Variants in CNTN4 observed in about 807,000 individuals in gnomAD.
CNTN4 encodes contactin-4.
In CNTN4, 77 loss-of-function variants were observed where a neutral mutation model predicts 122.5. That is an observed-to-expected ratio of 0.63 (90% CI 0.52 to 0.76). The LOEUF is 0.76. Ranked by LOEUF, CNTN4 falls within the 30% of genes least tolerant of loss-of-function variation. The pLI is 0.00. For synonymous variants in CNTN4, 512 were observed against 447.0 expected, an observed-to-expected ratio of 1.15 and a Z score of -1.83; for missense variants, 1,256 against 1,259.1, an observed-to-expected ratio of 1.00 and a Z score of 0.04.
intron 23 of CNTN4, among the ~76,000 whole-genome samples, chr3:3,045,373 A>T (rs542279064): frequency 6.6e-6 from 1 of 152,178 alleles, no homozygotes; most frequent in East Asian, 1.9e-4. Context: ...ACTGGGAGGT[A>T]CCCCCCAGTA....
chr3:2,732,731 T>C (rs2088788648), intron 4 of CNTN4, among the ~76,000 whole-genome samples: 1 of 152,138 alleles, frequency 6.6e-6, no homozygotes, highest in Non-Finnish European at 1.5e-5. Flanking sequence ...CTCTTTTTTC[T>C]CAAAAACATT....
At position 2,265,033 on chromosome 3, in the gene CNTN4, C is replaced by A. The variant is rs117444387; in HGVS notation, c.-144-74145C>A. On this transcript the variant is annotated intron_variant, in intron 2 of 24. Transcript: ENST00000418658. Reference sequence around the variant, plus strand: ...GCCACTCGTACTCTTTCCCCTGAGTCCCCAAAGTCCATTGTATCATTCTTA... The same window carrying A: ...GCCACTCGTACTCTTTCCCCTGAGTACCCAAAGTCCATTGTATCATTCTTA... Among the ~76,000 whole-genome samples, 148 of 152,054 alleles carry A rather than the reference C, an allele frequency of 9.7e-4. 2 individuals carry two copies. In the East Asian group the frequency reaches 0.022, roughly 23 times the overall value.
At chr3:2,793,605 T>A (rs987060920) in intron 6 of CNTN4, among the ~76,000 whole-genome samples, 1 of 152,204 alleles carries the variant, frequency 6.6e-6, no homozygotes, top group African/African-American at 2.4e-5. Context: ...ATTTGAGGGA[T>A]GTTTTGATAG....
chr3:2,400,428 C>T (rs78776103), intron 3 of CNTN4, among the ~76,000 whole-genome samples: 33,825 of 94,374 alleles, frequency 0.36, 6,297 homozygotes, highest in Admixed American at 0.41. Context: ...TATATATATA[C>T]ATATATATAT....
chr3:2,538,754 C>A (rs2077912225), intron 3 of CNTN4, among the ~76,000 whole-genome samples: 1 of 151,918 alleles, frequency 6.6e-6, no homozygotes, highest in East Asian at 1.9e-4. Flanking sequence ...AAAATATAAT[C>A]ATTCCTAATG....
chr3:2,943,047 T>A (rs1259197898), intron 13 of CNTN4, among the ~76,000 whole-genome samples: 1 of 152,146 alleles, frequency 6.6e-6, no homozygotes, highest in Non-Finnish European at 1.5e-5. Context: ...GTGCACCTAT[T>A]GTGTGTCCCC....
intron 2 of CNTN4, among the ~76,000 whole-genome samples, chr3:2,273,192 A>G (rs2041371049): frequency 6.6e-6 from 1 of 152,206 alleles, no homozygotes; most frequent in African/African-American, 2.4e-5. Context: ...GTAAACTGTG[A>G]TACTTTTAAA....
intron 12 of CNTN4, among the ~76,000 whole-genome samples, chr3:2,908,211 G>A (rs932449023): frequency 2.0e-5 from 3 of 152,116 alleles, no homozygotes; most frequent in African/African-American, 4.8e-5. Flanking sequence ...TCTTCTATAC[G>A]TAACTTAAAA....
At chr3:2,518,006 TC>T (rs753145366) in intron 3 of CNTN4, among the ~76,000 whole-genome samples, 11 of 151,938 alleles carry the variant, frequency 7.2e-5, no homozygotes, top group Non-Finnish European at 1.3e-4. Flanking sequence ...TTCCCTAGAG[TC>T]CCCCTCCCCT....
At chr3:2,674,839 A>G (rs1037441083) in intron 4 of CNTN4, among the ~76,000 whole-genome samples, 3 of 151,854 alleles carry the variant, frequency 2.0e-5, no homozygotes, top group African/African-American at 7.3e-5. Flanking sequence ...CGTCTTATGT[A>G]GCTGTGAATT....
In CNTN4 at chr3:2,988,391, A is replaced by G; in HGVS notation, c.1405A>G (p.Lys469Glu). 1.2e-6 allele frequency: 2 copies of G among 1,613,794 alleles called. No homozygotes were observed. Among genetic ancestry groups the G allele is most frequent in the Non-Finnish European group, 1.7e-6 (2 of 1,179,760 alleles). The change falls in exon 14 of 25, where the codon AAA becomes GAA. Residue 469 changes from lysine (K) to glutamate (E), a missense_variant. By Grantham distance (56) the Lys-to-Glu change is moderately conservative. Transcript: ENST00000418658. ...DGNLRIINVT[K>E]SDAGSYTCIA... ...AAACCTCAGAATCATCAACGTTACT[A>G]AATCAGACGCTGGGAGTTATACCTG...
At chr3:2,613,397 T>C (rs1018052607) in intron 4 of CNTN4, among the ~76,000 whole-genome samples, 1 of 152,122 alleles carries the variant, frequency 6.6e-6, no homozygotes, top group Admixed American at 6.6e-5. Flanking sequence ...GGGCCCATCT[T>C]CTATGATGCA....
At chr3:2,176,864 A>G (rs2149265631) in intron 2 of CNTN4, among the ~76,000 whole-genome samples, 1 of 152,278 alleles carries the variant, frequency 6.6e-6, no homozygotes, top group South Asian at 2.1e-4. Context: ...AGAAATTGGA[A>G]CCCTTTCTGA....
intron 6 of CNTN4, among the ~76,000 whole-genome samples, chr3:2,763,787 G>A (rs1315872815): frequency 2.0e-5 from 3 of 152,146 alleles, no homozygotes; most frequent in East Asian, 1.9e-4. Context: ...AGGTGAGATC[G>A]TTGCAGGTGT....
intron 15 of CNTN4, among the ~76,000 whole-genome samples, chr3:3,029,336 G>A (rs1020557869): frequency 6.6e-6 from 1 of 152,144 alleles, no homozygotes; most frequent in African/African-American, 2.4e-5. Flanking sequence ...ACATAACACA[G>A]ATAATCTCAT....
intron 4 of CNTN4, among the ~76,000 whole-genome samples, chr3:2,732,314 C>G (rs1576601547): frequency 6.6e-6 from 1 of 152,016 alleles, no homozygotes; most frequent in African/African-American, 2.4e-5. Context: ...ATTCTTCTGG[C>G]GTAGTCAGTC....
chr3:2,705,984 TATAAA>T (rs1318252735), intron 4 of CNTN4, among the ~76,000 whole-genome samples: 1 of 134,896 alleles, frequency 7.4e-6, no homozygotes, highest in Non-Finnish European at 1.5e-5. Flanking sequence ...TTATATAAAA[TATAAA>T]ATAAATATAT....
At chr3:2,700,919 A>G (rs1313861795) in intron 4 of CNTN4, among the ~76,000 whole-genome samples, 10 of 152,182 alleles carry the variant, frequency 6.6e-5, no homozygotes, top group Non-Finnish European at 2.9e-5. Context: ...TTCTATCTGT[A>G]TCTTTATTTT....
At chr3:2,627,784 T>G (rs113438442) in intron 4 of CNTN4, among the ~76,000 whole-genome samples, 1 of 152,280 alleles carries the variant, frequency 6.6e-6, no homozygotes, top group Admixed American at 6.5e-5. Flanking sequence ...TGAGCCACCG[T>G]GCCTGGCCAA....
Sources: allele counts gnomAD v4.1 joint callset (sites outside exome capture counted in the v4.1 genomes callset), GRCh38; gene constraint gnomAD v4.1.1; transcripts MANE v1.5; gene names NCBI Gene and HGNC (gene_info 2026-07-23, HGNC 2026-07-21).